The following PDGFC variants were observed in gnomAD, a reference collection of about 807,000 sequenced individuals.
The protein encoded by PDGFC is platelet derived growth factor C, also known as platelet-derived growth factor C.
A neutral mutation model predicts 35.5 loss-of-function variants in PDGFC; 12 were observed. That is an observed-to-expected ratio of 0.34 (90% CI 0.22 to 0.55). PDGFC has a LOEUF of 0.55. Ranked by LOEUF, PDGFC falls within the 20% of genes least tolerant of loss-of-function variation. The pLI is 0.91. For synonymous variants in PDGFC, 159 were observed against 148.8 expected, an observed-to-expected ratio of 1.07 and a Z score of -0.50; for missense variants, 322 against 412.4, an observed-to-expected ratio of 0.78 and a Z score of 1.90.
intron 5 of PDGFC, 21 bp downstream of exon 5, chr4:156,767,752 A>G (rs371563122): frequency 6.5e-7 from 1 of 1,528,702 alleles, no homozygotes; most frequent in African/African-American, 1.4e-5. Context: ...AAGGAAACCA[A>G]AAAGAAAATT....
chr4:156,932,739 C>A (rs1459818156), intron 1 of PDGFC, among the ~76,000 whole-genome samples: 4 of 111,188 alleles, frequency 3.6e-5, no homozygotes, highest in Non-Finnish European at 6.7e-5. Context: ...CACACCGGGG[C>A]CTGTTGTGGG....
At chr4:156,835,298 C>T (rs551237569) in intron 2 of PDGFC, among the ~76,000 whole-genome samples, 107 of 152,114 alleles carry the variant, frequency 7.0e-4, no homozygotes, top group Middle Eastern at 6.8e-3. Context: ...ATAGACGCTG[C>T]GGAGAAAAGG....
At chr4:156,837,133 TG>T (rs1468470613) in intron 2 of PDGFC, among the ~76,000 whole-genome samples, 1 of 152,190 alleles carries the variant, frequency 6.6e-6, no homozygotes, top group African/African-American at 2.4e-5. Flanking sequence ...AACAAAACAT[TG>T]ATGAGGTTGA....
chr4:156,766,261 C>T (rs1457994965), intron 5 of PDGFC, among the ~76,000 whole-genome samples: 1 of 152,092 alleles, frequency 6.6e-6, no homozygotes, highest in African/African-American at 2.4e-5. Context: ...GAAGATACAA[C>T]ATCTAAGTTT....
intron 3 of PDGFC, among the ~76,000 whole-genome samples, chr4:156,802,555 T>TACACACACACAC (rs3042776): frequency 6.9e-6 from 1 of 145,572 alleles, no homozygotes; most frequent in African/African-American, 2.5e-5. Flanking sequence ...TACACACACA[T>TACACACACACAC]ACACACACAC....
chr4:156,826,500 G>GT (rs1219992047), intron 2 of PDGFC, among the ~76,000 whole-genome samples: 1 of 151,916 alleles, frequency 6.6e-6, no homozygotes, highest in Non-Finnish European at 1.5e-5. Flanking sequence ...CCATGCCATT[G>GT]TAATTTTTGG....
At chr4:156,859,708 A>G (rs189972234) in intron 1 of PDGFC, among the ~76,000 whole-genome samples, 2 of 152,294 alleles carry the variant, frequency 1.3e-5, no homozygotes, top group Admixed American at 6.5e-5. Flanking sequence ...CGAAAAATAT[A>G]AACATTAGGT....
At chr4:156,938,485 G>T (rs1322771392) in intron 1 of PDGFC, among the ~76,000 whole-genome samples, 1 of 151,988 alleles carries the variant, frequency 6.6e-6, no homozygotes, top group Admixed American at 6.6e-5. Flanking sequence ...TTGAGGGAAG[G>T]AAATATTCCA....
chr4:156,828,706 A>C (rs1161351648), intron 2 of PDGFC, among the ~76,000 whole-genome samples: 2 of 152,186 alleles, frequency 1.3e-5, no homozygotes, highest in Non-Finnish European at 2.9e-5. Flanking sequence ...GGTATATTTA[A>C]CGTACAGATA....
At chr4:156,862,381 T>C (rs967918912) in intron 1 of PDGFC, among the ~76,000 whole-genome samples, 27 of 152,184 alleles carry the variant, frequency 1.8e-4, no homozygotes, top group Admixed American at 1.6e-3. Context: ...GAGGTACCTC[T>C]TGAAGATGAT....
At chr4:156,813,503 C>T (rs944124319) in intron 2 of PDGFC, among the ~76,000 whole-genome samples, 1 of 151,998 alleles carries the variant, frequency 6.6e-6, no homozygotes, top group African/African-American at 2.4e-5. Context: ...GACACTTGGG[C>T]TTTCAGAGTA....
At chr4:156,800,466 TAG>T (rs941699965) in intron 3 of PDGFC, among the ~76,000 whole-genome samples, 1 of 152,182 alleles carries the variant, frequency 6.6e-6, no homozygotes, top group African/African-American at 2.4e-5. Flanking sequence ...TCATCTGAAT[TAG>T]AGAGATATGT....
chr4:156,952,647 T>C (rs1732111988), intron 1 of PDGFC, among the ~76,000 whole-genome samples: 1 of 151,830 alleles, frequency 6.6e-6, no homozygotes, highest in Non-Finnish European at 1.5e-5. Context: ...TCCTGATAAA[T>C]GAGATTCCTA....
intron 1 of PDGFC, among the ~76,000 whole-genome samples, chr4:156,927,374 A>T (rs376229995): frequency 2.2e-3 from 339 of 152,184 alleles, no homozygotes; most frequent in African/African-American, 7.9e-3. Flanking sequence ...CTCCTCAAAA[A>T]TGGGTTTTTC....
At chr4:156,773,252 A>T (rs982672122) in intron 3 of PDGFC, among the ~76,000 whole-genome samples, 1 of 152,202 alleles carries the variant, frequency 6.6e-6, no homozygotes, top group Non-Finnish European at 1.5e-5. Flanking sequence ...ATTTTCCTTA[A>T]TCTGAAAAAT....
At chr4:156,854,958 T>G (rs1048562158) in intron 1 of PDGFC, among the ~76,000 whole-genome samples, 1 of 152,018 alleles carries the variant, frequency 6.6e-6, no homozygotes, top group Non-Finnish European at 1.5e-5. Context: ...TTTTAAAAAT[T>G]ATAGACAATT....
chr4:156,798,186 C>T (rs5001117), intron 3 of PDGFC, among the ~76,000 whole-genome samples: 3,478 of 152,052 alleles, frequency 0.023, 140 homozygotes, highest in South Asian at 0.17. Flanking sequence ...AGCGAGACTC[C>T]GTCACAAAAA....
chr4:156,770,144 C>T (rs1730654802), intron 4 of PDGFC: 1 of 151,978 alleles, frequency 6.6e-6, no homozygotes, highest in African/African-American at 2.4e-5. Flanking sequence ...AAAATTTAAA[C>T]ACACTTTTAA....
chr4:156,797,138 T>C (rs1370515340), intron 3 of PDGFC, among the ~76,000 whole-genome samples: 2 of 150,782 alleles, frequency 1.3e-5, no homozygotes, highest in Non-Finnish European at 2.9e-5. Flanking sequence ...CTTGGGAGGC[T>C]GAGGCAGGAG....
Sources: allele counts gnomAD v4.1 joint callset (sites outside exome capture counted in the v4.1 genomes callset), GRCh38; gene constraint gnomAD v4.1.1; transcripts MANE v1.5; gene names NCBI Gene and HGNC (gene_info 2026-07-23, HGNC 2026-07-21).